DMD: variants seen among roughly 807,000 people sequenced by gnomAD.
DMD encodes dystrophin.
DMD carries 63 observed loss-of-function variants against 330.1 expected under a neutral mutation model. The ratio of observed to expected loss-of-function variants is 0.19; its 90% confidence interval spans 0.16 to 0.24. DMD has a LOEUF of 0.24. DMD is among the 10% of genes least tolerant of loss of function. DMD has a pLI of 1.00. For synonymous variants in DMD, 1,223 were observed against 959.8 expected (o/e 1.27, Z -5.07); for missense variants, 3,344 against 2,684.1 (o/e 1.25, Z -5.43).
At chrX:32,031,839 G>T (rs927259819) in intron 44 of DMD, among the ~76,000 whole-genome samples, 1 of 111,729 alleles carries the variant, frequency 9.0e-6, no homozygotes. Flanking sequence ...TCAAATGTTT[G>T]TCTTGCTAAT....
chrX:32,607,781 T>A, intron 12 of DMD, among the ~76,000 whole-genome samples: 1 of 110,643 alleles, frequency 9.0e-6, no homozygotes, highest in Non-Finnish European at 1.9e-5. Context: ...TTTTAAAATG[T>A]TTTTTATAAT....
chrX:32,454,971 T>C lies in DMD; in HGVS notation c.3433-139A>G, dbSNP rs2098350607. ...TAAAAAGCTTATATGCATAAGAAAA[T>C]AACTCATGGGGATCAGATACACTCA... is the stretch of plus-strand genomic sequence containing the variant. On this transcript the variant is annotated intron_variant, in intron 25 of 78. Transcript: ENST00000357033. 4 of 666,819 alleles carry C rather than the reference T, an allele frequency of 6.0e-6. No individual in the cohort carries two copies. In the Admixed American group the frequency reaches 1.4e-4, roughly 23 times the overall value. The allele number at this position is 666,819 out of a possible 1,213,427, so 55.0% of individuals were successfully genotyped here.
intron 12 of DMD, among the ~76,000 whole-genome samples, chrX:32,599,717 T>C (rs180855478): frequency 2.9e-4 from 33 of 111,912 alleles, no homozygotes; most frequent in African/African-American, 9.4e-4. Flanking sequence ...AGCTTCCAGA[T>C]TGTACATACA....
chrX:32,447,185 T>C (rs2098309153), intron 27 of DMD, among the ~76,000 whole-genome samples: 1 of 110,511 alleles, frequency 9.0e-6, no homozygotes, highest in Non-Finnish European at 1.9e-5. Flanking sequence ...TCCCTCCCTA[T>C]TGTAACATGT....
intron 1 of DMD, among the ~76,000 whole-genome samples, chrX:33,280,600 G>A (rs2053314339): frequency 1.8e-5 from 2 of 111,383 alleles, no homozygotes; most frequent in African/African-American, 6.5e-5. Flanking sequence ...ACTTTTCCAG[G>A]GAATTGATGT....
At chrX:32,407,699 A>G (rs2098124013) in intron 30 of DMD, among the ~76,000 whole-genome samples, 1 of 110,310 alleles carries the variant, frequency 9.1e-6, no homozygotes, top group African/African-American at 3.3e-5. Flanking sequence ...CACTATTCTC[A>G]ATAGCAAAGA....
At chrX:32,751,746 T>G (rs1190597440) in intron 7 of DMD, among the ~76,000 whole-genome samples, 1 of 110,477 alleles carries the variant, frequency 9.1e-6, no homozygotes, top group East Asian at 2.9e-4. Flanking sequence ...ATGTCTGGAG[T>G]TTAGGAGGAA....
At chrX:33,103,121 C>A in intron 1 of DMD, among the ~76,000 whole-genome samples, 2 of 111,774 alleles carry the variant, frequency 1.8e-5, no homozygotes, top group Non-Finnish European at 3.8e-5. Flanking sequence ...TGATACACAA[C>A]AAGAAATCCA....
chrX:32,766,211 G>A (rs182172985), intron 7 of DMD, among the ~76,000 whole-genome samples: 146 of 111,370 alleles, frequency 1.3e-3, no homozygotes, highest in African/African-American at 4.4e-3. Flanking sequence ...TTTTGATAGA[G>A]TTGTCTATTT....
intron 55 of DMD, among the ~76,000 whole-genome samples, chrX:31,578,064 A>G (rs2076185626): frequency 9.0e-6 from 1 of 111,015 alleles, no homozygotes; most frequent in Non-Finnish European, 1.9e-5. Flanking sequence ...AACCAGAGAG[A>G]CTCCCACACA....
intron 1 of DMD, among the ~76,000 whole-genome samples, chrX:33,324,537 G>A (rs113764649): frequency 9.0e-5 from 10 of 111,269 alleles, no homozygotes; most frequent in East Asian, 5.7e-4. Flanking sequence ...ATAATGGAAC[G>A]CTCCTTCAAT....
rs764962726 is a variant in DMD, at chrX:32,983,819, GTTCTTATTGATTTTATTCACTATA to G, written c.93+36296_93+36319del. On this transcript the variant is annotated intron_variant, in intron 2 of 78. Coordinates refer to ENST00000357033, the MANE Select transcript of DMD (RefSeq NM_004006.3). ...ATTTTCTGTTTGGATTTCACTAGAT[GTTCTTATTGATTTTATTCACTATA>G]TAATTGAGAATCATCTTGCTCTGTG... 3.7e-4 allele frequency among the ~76,000 whole-genome samples: 41 copies of G among 110,845 alleles called. 1 individual carries two copies. The South Asian group carries it at 0.013, about 35-fold the overall frequency.
intron 44 of DMD, among the ~76,000 whole-genome samples, chrX:32,093,554 G>T (rs1603624825): frequency 8.9e-6 from 1 of 111,742 alleles, no homozygotes. Context: ...AGCAAGACAG[G>T]TCAACAAAGG....
At chrX:31,500,042 T>C (rs1165566130) in intron 56 of DMD, among the ~76,000 whole-genome samples, 1 of 111,733 alleles carries the variant, frequency 8.9e-6, no homozygotes, top group Non-Finnish European at 1.9e-5. Flanking sequence ...GCTTCATTTT[T>C]TTCCTCTCCT....
intron 1 of DMD, among the ~76,000 whole-genome samples, chrX:33,313,981 T>C (rs931544732): frequency 9.2e-6 from 1 of 108,556 alleles, no homozygotes; most frequent in Non-Finnish European, 1.9e-5. Flanking sequence ...ATGTAGTATG[T>C]CATATATATG....
At chrX:31,490,311 C>T (rs1226706859) in intron 57 of DMD, among the ~76,000 whole-genome samples, 1 of 111,922 alleles carries the variant, frequency 8.9e-6, no homozygotes, top group Non-Finnish European at 1.9e-5. Flanking sequence ...GCCTGTAATC[C>T]CAGCACTTTG....
chrX:33,131,887 T>A (rs769365388), intron 1 of DMD, among the ~76,000 whole-genome samples: 1 of 112,288 alleles, frequency 8.9e-6, no homozygotes, highest in East Asian at 2.8e-4. Context: ...CGTATCAATG[T>A]TGTAAGACAT....
intron 2 of DMD, among the ~76,000 whole-genome samples, chrX:32,851,057 A>C (rs1209874142): frequency 8.9e-6 from 1 of 112,083 alleles, no homozygotes; most frequent in Non-Finnish European, 1.9e-5. Flanking sequence ...GATGGGTCTA[A>C]CATTAGCCTT....
chrX:31,193,865 G>T (rs2042629503), intron 67 of DMD, among the ~76,000 whole-genome samples: 1 of 111,267 alleles, frequency 9.0e-6, no homozygotes, highest in East Asian at 2.8e-4. Context: ...TTCTTCAAGA[G>T]AACTGGTCTG....
Sources: gnomAD v4.1 joint callset for allele counts (sites outside exome capture counted in the v4.1 genomes callset) on GRCh38, gnomAD v4.1.1 for gene constraint, MANE v1.5 for transcripts, NCBI Gene and HGNC (gene_info 2026-07-23, HGNC 2026-07-21) for gene names.